KIAA1328: variants seen among roughly 807,000 people sequenced by gnomAD.
The protein encoded by KIAA1328 is KIAA1328.
Under a neutral mutation model 68.1 loss-of-function variants are expected in KIAA1328, and 52 were observed. That is an observed-to-expected ratio of 0.76 (90% CI 0.61 to 0.96). The LOEUF (loss-of-function observed/expected upper bound fraction) is 0.96. KIAA1328 is among the 40% of genes least tolerant of loss of function. KIAA1328 has a pLI of 0.00. For missense variants in KIAA1328, 641 were observed against 677.6 expected (o/e 0.95, Z 0.60); for synonymous variants, 232 against 239.4 (o/e 0.97, Z 0.28).
rs144266237 is a variant in KIAA1328 at position 37,108,331 on chromosome 18, A to G, written c.1232+40786A>G. On this transcript the variant is annotated intron_variant, in intron 7 of 9. Transcript: ENST00000280020. The stretch of plus-strand genomic sequence containing the variant: ...GGAGCTAAGCATTGAGCACACATAA[A>G]CTAAATATGAGAACAGCAGACTCTG... Among the ~76,000 whole-genome samples the G allele has an allele frequency of 2.6e-5, 4 of 151,512 alleles. No individual in the cohort carries two copies. In the East Asian group the frequency reaches 7.8e-4, roughly 30 times the overall value.
At chr18:37,057,029 A>G (rs1241448044) in intron 6 of KIAA1328, among the ~76,000 whole-genome samples, 2 of 152,046 alleles carry the variant, frequency 1.3e-5, no homozygotes, top group Non-Finnish European at 2.9e-5. Context: ...GTCTAAATAC[A>G]GTTTGTTTTT....
chr18:37,175,564 C>T (rs1370268741), intron 9 of KIAA1328, among the ~76,000 whole-genome samples: 2 of 151,820 alleles, frequency 1.3e-5, no homozygotes, highest in African/African-American at 4.8e-5. Flanking sequence ...ATGATGACAT[C>T]ATACAGGTCT....
At chr18:36,919,945 A>T (rs541302644) in intron 5 of KIAA1328, among the ~76,000 whole-genome samples, 6 of 152,152 alleles carry the variant, frequency 3.9e-5, no homozygotes, top group African/African-American at 1.4e-4. Context: ...TTAACTTCTT[A>T]AGTTCCTTAT....
Position 37,224,452 on chromosome 18 carries a change from A to G in KIAA1328, c.*2225A>G. On this transcript the variant is annotated 3_prime_UTR_variant, in exon 10 of 10. Coordinates refer to ENST00000280020, the MANE Select transcript of KIAA1328 (RefSeq NM_020776.3). The stretch of plus-strand genomic sequence containing the variant: ...AACCAATACATTTTTCACATGCAAA[A>G]CTCATCACCAGTTGCCTTTTTCTAA... 4 of 985,166 alleles carry G rather than the reference A, an allele frequency of 4.1e-6. No homozygotes were observed. Among genetic ancestry groups the G allele is most frequent in the Non-Finnish European group, 4.8e-6 (4 of 829,920 alleles). The allele number at this position is 985,166 out of a possible 1,614,324, so 61.0% of individuals were successfully genotyped here.
At position 37,223,297 on chromosome 18, in the gene KIAA1328, CT is replaced by C; in HGVS notation, c.*1075del. On this transcript the variant is annotated 3_prime_UTR_variant, in exon 10 of 10. Coordinates refer to ENST00000280020, the MANE Select transcript of KIAA1328 (RefSeq NM_020776.3). Reference sequence around the variant, plus strand: ...CCACCACCCAAGCAGGGTCTCCCTACTTTTTCTCACTGGCCTCGTTTTGACC... The same window carrying C: ...CCACCACCCAAGCAGGGTCTCCCTACTTTTCTCACTGGCCTCGTTTTGACC... 1 of 985,400 alleles carries C rather than the reference CT, an allele frequency of 1.0e-6. No homozygotes were observed. The highest frequency in any genetic ancestry group is 1.2e-6 in the Non-Finnish European group (1 of 829,982). 61.0% of individuals were successfully genotyped at this position (985,400 alleles called of 1,614,324 possible).
chr18:37,199,988 A>G (rs2154219218), intron 9 of KIAA1328, among the ~76,000 whole-genome samples: 1 of 152,352 alleles, frequency 6.6e-6, no homozygotes, highest in African/African-American at 2.4e-5. Flanking sequence ...TAAGTTAGAT[A>G]AGGTATAAGT....
intron 9 of KIAA1328, among the ~76,000 whole-genome samples, chr18:37,183,122 A>G (rs957536287): frequency 1.6e-4 from 25 of 152,224 alleles, no homozygotes; most frequent in Non-Finnish European, 1.5e-5. Flanking sequence ...AGAGGAGGTT[A>G]GGAAGTAAGA....
At chr18:37,027,122 C>T (rs1474330714) in intron 6 of KIAA1328, among the ~76,000 whole-genome samples, 5 of 152,108 alleles carry the variant, frequency 3.3e-5, no homozygotes, top group Non-Finnish European at 7.3e-5. Flanking sequence ...TTCACAATTG[C>T]TTCAAAGAGA....
chr18:37,086,657 A>G (rs1313452164), intron 7 of KIAA1328, among the ~76,000 whole-genome samples: 1 of 152,136 alleles, frequency 6.6e-6, no homozygotes, highest in African/African-American at 2.4e-5. Flanking sequence ...TCTTTAGTCA[A>G]TCTTCATGTT....
At chr18:36,959,141 C>T (rs576581650) in intron 5 of KIAA1328, among the ~76,000 whole-genome samples, 167 bp from the exon 6 acceptor site, 27 of 152,028 alleles carry the variant, frequency 1.8e-4, no homozygotes, top group African/African-American at 4.3e-4. Flanking sequence ...TTATGATTTT[C>T]GGGGAGAAAT....
At chr18:37,177,678 G>A (rs1030874659) in intron 9 of KIAA1328, among the ~76,000 whole-genome samples, 11 of 151,794 alleles carry the variant, frequency 7.2e-5, no homozygotes, top group African/African-American at 2.2e-4. Flanking sequence ...TTTTTGTTTT[G>A]TTTTATTTTG....
intron 8 of KIAA1328, among the ~76,000 whole-genome samples, chr18:37,162,008 A>G (rs2059290120): frequency 1.3e-5 from 2 of 152,196 alleles, no homozygotes; most frequent in Non-Finnish European, 2.9e-5. Flanking sequence ...ATCAATTTCT[A>G]ATTTGAAACA....
chr18:36,870,572 A>T (rs765871725), intron 4 of KIAA1328, among the ~76,000 whole-genome samples: 2 of 152,126 alleles, frequency 1.3e-5, no homozygotes, highest in Non-Finnish European at 2.9e-5. Flanking sequence ...TTTGGGTGGG[A>T]TTTATTTCTT....
chr18:36,917,940 G>A (rs1291651770), intron 5 of KIAA1328, among the ~76,000 whole-genome samples: 2 of 151,928 alleles, frequency 1.3e-5, no homozygotes, highest in Admixed American at 1.3e-4. Context: ...CCTGTTTCTG[G>A]CTCATCTCCA....
intron 9 of KIAA1328, among the ~76,000 whole-genome samples, chr18:37,204,828 TA>T (rs1218339521): frequency 6.6e-6 from 1 of 150,986 alleles, no homozygotes; most frequent in Non-Finnish European, 1.5e-5. Flanking sequence ...GAAAGGCCTT[TA>T]AAAAAAAGTA....
intron 7 of KIAA1328, among the ~76,000 whole-genome samples, chr18:37,105,519 AAAG>A (rs2057746087): frequency 6.6e-6 from 1 of 151,616 alleles, no homozygotes; most frequent in Non-Finnish European, 1.5e-5. Context: ...AAAAAAAAAA[AAAG>A]AGCACTACTG....
At chr18:37,026,834 C>T (rs1169084049) in intron 6 of KIAA1328, among the ~76,000 whole-genome samples, 1 of 152,196 alleles carries the variant, frequency 6.6e-6, no homozygotes, top group Non-Finnish European at 1.5e-5. Context: ...TGCCCTCTCT[C>T]ACCACTCCTA....
intron 5 of KIAA1328, among the ~76,000 whole-genome samples, chr18:36,941,179 A>G (rs1251555998): frequency 6.6e-6 from 1 of 152,190 alleles, no homozygotes; most frequent in African/African-American, 2.4e-5. Context: ...GACAGATTTC[A>G]ATATATATAC....
At chr18:37,125,804 T>A (rs1025935060) in intron 7 of KIAA1328, among the ~76,000 whole-genome samples, 5 of 152,234 alleles carry the variant, frequency 3.3e-5, no homozygotes, top group Admixed American at 6.5e-5. Flanking sequence ...TCTGACCTCA[T>A]GTGACAGGTT....
Sources: allele counts gnomAD v4.1 joint callset (sites outside exome capture counted in the v4.1 genomes callset), GRCh38; gene constraint gnomAD v4.1.1; transcripts MANE v1.5; gene names NCBI Gene and HGNC (gene_info 2026-07-23, HGNC 2026-07-21).